The following PRCP variants were observed in gnomAD, a reference collection of about 807,000 sequenced individuals.
PRCP encodes prolylcarboxypeptidase.
Under a neutral mutation model 54.2 loss-of-function variants are expected in PRCP, and 46 were observed. That is an observed-to-expected ratio of 0.85 (90% CI 0.67 to 1.09). The LOEUF is 1.09. Ranked by LOEUF, PRCP falls within the 50% of genes least tolerant of loss-of-function variation. PRCP has a pLI of 0.00. For synonymous variants in PRCP, 240 were observed against 212.2 expected, an observed-to-expected ratio of 1.13 and a Z score of -1.14; for missense variants, 613 against 596.8, an observed-to-expected ratio of 1.03 and a Z score of -0.28.
At chr11:82,844,576 A>T (rs1858756734) in intron 6 of PRCP, among the ~76,000 whole-genome samples, 1 of 151,970 alleles carries the variant, frequency 6.6e-6, no homozygotes, top group Non-Finnish European at 1.5e-5. Flanking sequence ...GTCTCTACTA[A>T]AAATACAAAA....
chr11:82,876,998 T>C (rs1859619195), intron 1 of PRCP, among the ~76,000 whole-genome samples: 1 of 152,138 alleles, frequency 6.6e-6, no homozygotes, highest in African/African-American at 2.4e-5. Flanking sequence ...CTGATAGTGA[T>C]ATGAACAACA....
chr11:82,856,247 T>C (rs1006993616), intron 2 of PRCP, among the ~76,000 whole-genome samples: 1 of 152,190 alleles, frequency 6.6e-6, no homozygotes, highest in Admixed American at 6.5e-5. Flanking sequence ...GTTTGCAATA[T>C]CAAAGACACA....
chr11:82,846,453 A>C (rs1016841043), intron 6 of PRCP, among the ~76,000 whole-genome samples: 5 of 152,008 alleles, frequency 3.3e-5, no homozygotes, highest in Non-Finnish European at 5.9e-5. Flanking sequence ...GCAAGAGATA[A>C]GATTACTTCT....
chr11:82,900,500 G>A, upstream of PRCP: 1 of 1,459,766 alleles, frequency 6.9e-7, no homozygotes, highest in Non-Finnish European at 9.3e-7. Context: ...TCCGCCCGCC[G>A]CAAAACAGCT....
rs755886781 is a variant in PRCP, at chr11:82,849,121, C to T, written c.849G>A (p.Trp283Ter). ...GATAGTCCACCATTGCCAGATTCAC[C>T]CAGGTTTCAGAGATCCAGTCTTTCA... ...QHLKDWISET[W>*]VNLAMVDYPY... The change falls in exon 6 of 9, where the codon TGG becomes TGA. Residue 283 changes from tryptophan (W) to a stop codon, truncating the protein, a stop_gained. Transcript: ENST00000313010. LOFTEE classifies it high-confidence loss of function. The T allele has an allele frequency of 1.2e-6, 2 of 1,614,048 alleles. No individual in the cohort carries two copies. The highest frequency in any genetic ancestry group is 2.2e-5 in the South Asian group (2 of 91,076).
intron 1 of PRCP, among the ~76,000 whole-genome samples, chr11:82,871,981 A>G (rs572592239): frequency 6.6e-6 from 1 of 152,350 alleles, no homozygotes; most frequent in Non-Finnish European, 1.5e-5. Flanking sequence ...TCAGTTACCC[A>G]TGGTCAACCA....
intron 1 of PRCP, among the ~76,000 whole-genome samples, chr11:82,865,641 T>C (rs1449860957): frequency 6.6e-6 from 1 of 152,196 alleles, no homozygotes; most frequent in African/African-American, 2.4e-5. Flanking sequence ...AAAATTAACT[T>C]ACGCCTCCAA....
chr11:82,868,237 G>A (rs956715557), intron 1 of PRCP, among the ~76,000 whole-genome samples: 9 of 151,950 alleles, frequency 5.9e-5, no homozygotes, highest in African/African-American at 2.2e-4. Flanking sequence ...TCTCATTGAA[G>A]ATATATATTA....
chr11:82,860,419 T>C (rs1399232295), intron 1 of PRCP, among the ~76,000 whole-genome samples: 2 of 152,102 alleles, frequency 1.3e-5, no homozygotes, highest in Admixed American at 6.5e-5. Context: ...GAATTGTAAA[T>C]ACAATGTGAA....
chr11:82,860,152 G>GA (rs2121177513), intron 1 of PRCP, 35 bp from the exon 2 acceptor site: 1 of 1,375,528 alleles, frequency 7.3e-7, no homozygotes, highest in East Asian at 2.6e-5. Flanking sequence ...TATTTCAAAG[G>GA]AAAGTAATAA....
At chr11:82,832,639 T>C (rs1322093476) in intron 8 of PRCP, among the ~76,000 whole-genome samples, 3 of 152,380 alleles carry the variant, frequency 2.0e-5, no homozygotes, top group East Asian at 3.9e-4. Context: ...AAAAATTTTC[T>C]CCTATTCTGT....
intron 1 of PRCP, among the ~76,000 whole-genome samples, chr11:82,887,268 C>T (rs1859882788): frequency 6.6e-6 from 1 of 152,206 alleles, no homozygotes; most frequent in Admixed American, 6.5e-5. Context: ...ATACATCACA[C>T]CTTTAATTAC....
intron 1 of PRCP, among the ~76,000 whole-genome samples, chr11:82,864,170 A>G (rs1436214491): frequency 6.6e-6 from 1 of 152,246 alleles, no homozygotes; most frequent in African/African-American, 2.4e-5. Flanking sequence ...AGTTCTTCAC[A>G]GAATTACAGG....
At chr11:82,877,798 C>T (rs1435525850) in intron 1 of PRCP, among the ~76,000 whole-genome samples, 2 of 152,180 alleles carry the variant, frequency 1.3e-5, no homozygotes, top group Admixed American at 6.5e-5. Flanking sequence ...TCAGAGCCCC[C>T]ACACAGAGTC....
chr11:82,837,455 T>A (rs1858555320), intron 8 of PRCP, among the ~76,000 whole-genome samples: 1 of 152,364 alleles, frequency 6.6e-6, no homozygotes, highest in South Asian at 2.1e-4. Flanking sequence ...GGTAAGGAGA[T>A]GCCTTTTAAA....
intron 8 of PRCP, chr11:82,830,627 CAAAAAAA>C (rs35851740): frequency 1.6e-3 from 30 of 18,644 alleles, no homozygotes; most frequent in African/African-American, 5.6e-3. Flanking sequence ...GACTCCATCT[CAAAAAAA>C]AAAAAAAAAA....
intron 8 of PRCP, chr11:82,826,484 T>A (rs1274942562): frequency 6.6e-6 from 1 of 152,260 alleles, no homozygotes; most frequent in African/African-American, 2.4e-5. Context: ...AGGCATATAC[T>A]TAGGAATTTC....
intron 8 of PRCP, among the ~76,000 whole-genome samples, chr11:82,831,634 A>T (rs956985960): frequency 6.6e-6 from 1 of 152,210 alleles, no homozygotes; most frequent in Non-Finnish European, 1.5e-5. Flanking sequence ...CGGAAAAGCA[A>T]TCACACTTGG....
intron 1 of PRCP, among the ~76,000 whole-genome samples, chr11:82,871,923 C>T (rs765740235): frequency 2.6e-5 from 4 of 152,262 alleles, no homozygotes; most frequent in Non-Finnish European, 5.9e-5. Context: ...AATAAATAAC[C>T]GATGAGTGTG....
Sources: gnomAD v4.1 joint callset for allele counts (sites outside exome capture counted in the v4.1 genomes callset) on GRCh38, gnomAD v4.1.1 for gene constraint, MANE v1.5 for transcripts, NCBI Gene and HGNC (gene_info 2026-07-23, HGNC 2026-07-21) for gene names.